Variants in LPAR3 observed in about 807,000 individuals in gnomAD.
The protein encoded by LPAR3 is lysophosphatidic acid receptor 3, also known as LPA receptor 3.
LPAR3 carries 7 observed loss-of-function variants against 17.8 expected under a neutral mutation model. The ratio of observed to expected loss-of-function variants is 0.39; its 90% CI spans 0.22 to 0.74. The LOEUF (loss-of-function observed/expected upper bound fraction) is 0.74. Ranked by LOEUF, LPAR3 falls within the 30% of genes least tolerant of loss-of-function variation. The pLI, the probability that LPAR3 is intolerant of heterozygous loss-of-function variation, is 0.40. For missense variants in LPAR3, 391 were observed against 453.4 expected (o/e 0.86, Z 1.25); for synonymous variants, 179 against 179.9 (o/e 0.99, Z 0.04).
chr1:84,844,748 T>C (rs557839031), intron 2 of LPAR3, among the ~76,000 whole-genome samples: 1 of 152,294 alleles, frequency 6.6e-6, no homozygotes, highest in African/African-American at 2.4e-5. Context: ...ATTATGACTA[T>C]TAAGAACACA....
At chr1:84,875,164 T>A (rs981662968) in intron 1 of LPAR3, among the ~76,000 whole-genome samples, 4 of 152,200 alleles carry the variant, frequency 2.6e-5, no homozygotes, top group African/African-American at 9.7e-5. Flanking sequence ...TCTCCCAAAG[T>A]GCTGAGATGA....
At chr1:84,861,650 C>G (rs1050565634) in intron 2 of LPAR3, among the ~76,000 whole-genome samples, 4 of 152,168 alleles carry the variant, frequency 2.6e-5, no homozygotes, top group African/African-American at 4.8e-5. Context: ...AAATCAGGAG[C>G]TGGAAGTCTT....
intron 1 of LPAR3, among the ~76,000 whole-genome samples, chr1:84,867,398 C>A (rs1329279534): frequency 6.6e-6 from 1 of 152,176 alleles, no homozygotes; most frequent in Non-Finnish European, 1.5e-5. Flanking sequence ...AGGGACTGAG[C>A]AGCCCTCTGG....
chr1:84,852,814 A>C (rs1659744734), intron 2 of LPAR3, among the ~76,000 whole-genome samples: 5 of 152,214 alleles, frequency 3.3e-5, no homozygotes, highest in Admixed American at 3.3e-4. Flanking sequence ...TGAAGCAAGC[A>C]GGCACATAAC....
Position 84,814,259 on chromosome 1 carries a change from A to T in LPAR3, c.737-88T>A, listed in dbSNP as rs1444724206. Reference sequence around the variant, plus strand: ...TCTCTCCCAGCCTTTAGCCAGTGGCATCAAGGGGCCCTCATGATTTGTTTT... The same window carrying T: ...TCTCTCCCAGCCTTTAGCCAGTGGCTTCAAGGGGCCCTCATGATTTGTTTT... On this transcript the variant is annotated intron_variant, in intron 2 of 2. Transcript: ENST00000370611. 15 of 1,055,658 alleles carry T rather than the reference A, an allele frequency of 1.4e-5. No homozygotes were observed. The Admixed American group carries it at 3.5e-4, about 24-fold the overall frequency. The allele number at this position is 1,055,658 out of a possible 1,614,324, so 65.4% of individuals were successfully genotyped here.
At chr1:84,847,339 A>C (rs1659611479) in intron 2 of LPAR3, among the ~76,000 whole-genome samples, 1 of 152,336 alleles carries the variant, frequency 6.6e-6, no homozygotes, top group South Asian at 2.1e-4. Context: ...GTACTAGTGG[A>C]TCACTGGATT....
At chr1:84,816,596 G>A (rs538827489) in intron 2 of LPAR3, among the ~76,000 whole-genome samples, 7 of 152,164 alleles carry the variant, frequency 4.6e-5, no homozygotes, top group Admixed American at 2.6e-4. Flanking sequence ...TCAGGAGTTC[G>A]AGACCAGCCT....
chr1:84,831,526 TATC>T (rs1188437364), intron 2 of LPAR3, among the ~76,000 whole-genome samples: 2 of 115,454 alleles, frequency 1.7e-5, no homozygotes, highest in Admixed American at 9.1e-5. Flanking sequence ...ATTATATATA[TATC>T]ATCATATATC....
In LPAR3 at chr1:84,813,920, T is replaced by C. The variant is rs776527282; in HGVS notation, c.988A>G (p.Arg330Gly). Reference protein sequence around the residue: ...PSRIPSTVLSRSDTGSQYIED... With the variant: ...PSRIPSTVLSGSDTGSQYIED... ...ATGTACTGGCTGCCTGTGTCACTCC[T>C]GCTGAGGACTGTGGAGGGGATGCGA... Residue 330 changes from arginine to glycine, a missense_variant, in exon 3 of 3, where the codon AGG becomes GGG. By Grantham distance (125) the Arg-to-Gly change is moderately radical. Coordinates refer to ENST00000370611, the MANE Select transcript of LPAR3 (RefSeq NM_012152.3). The C allele has an allele frequency of 1.2e-6, 2 of 1,614,078 alleles. No individual in the cohort carries two copies. Among genetic ancestry groups the C allele is most frequent in the African/African-American group, 1.3e-5 (1 of 74,932 alleles).
At chr1:84,874,540 A>T (rs1286408607) in intron 1 of LPAR3, among the ~76,000 whole-genome samples, 1 of 152,238 alleles carries the variant, frequency 6.6e-6, no homozygotes, top group Non-Finnish European at 1.5e-5. Flanking sequence ...TTAAACAGGA[A>T]AGCAAACATG....
chr1:84,852,150 A>T (rs1659726946), intron 2 of LPAR3, among the ~76,000 whole-genome samples: 1 of 150,466 alleles, frequency 6.6e-6, no homozygotes, highest in Non-Finnish European at 1.5e-5. Context: ...TCCTGGGCCC[A>T]AGCGATTTTC....
chr1:84,879,734 T>C (rs192170739), intron 1 of LPAR3, among the ~76,000 whole-genome samples: 1 of 152,306 alleles, frequency 6.6e-6, no homozygotes, highest in African/African-American at 2.4e-5. Context: ...GACTAAGTTC[T>C]TACCACTAGA....
intron 2 of LPAR3, among the ~76,000 whole-genome samples, chr1:84,861,237 A>C (rs1386884454): frequency 6.6e-6 from 1 of 152,198 alleles, no homozygotes; most frequent in African/African-American, 2.4e-5. Flanking sequence ...ATATACTATC[A>C]TTTGGGAGAT....
chr1:84,853,534 T>C (rs1226598344), intron 2 of LPAR3, among the ~76,000 whole-genome samples: 2 of 152,214 alleles, frequency 1.3e-5, no homozygotes, highest in Admixed American at 6.5e-5. Context: ...GCTTCTTCTC[T>C]CTCTGCCTCC....
At chr1:84,817,293 C>CACACACACACA (rs1658954873) in intron 2 of LPAR3, among the ~76,000 whole-genome samples, 1 of 103,570 alleles carries the variant, frequency 9.7e-6, no homozygotes, top group African/African-American at 4.5e-5. Flanking sequence ...ACACACACAC[C>CACACACACACA]CCTCACTTTT....
intron 2 of LPAR3, among the ~76,000 whole-genome samples, chr1:84,851,786 G>A (rs1303791631): frequency 6.6e-6 from 1 of 152,206 alleles, no homozygotes; most frequent in Non-Finnish European, 1.5e-5. Context: ...GCATAGAAAA[G>A]GAGGCTGGGA....
In LPAR3 at chr1:84,866,141, A is replaced by G; in HGVS notation, c.-18-3T>C. On this transcript the variant is annotated splice_region_variant and splice_polypyrimidine_tract_variant and intron_variant, in intron 1 of 2. Transcript: ENST00000370611. ...TTCATTGTGGAGAAGTGAACATCCT[A>G]GAAAGAAATTTAAAGAAGAAACAAA... The G allele has an allele frequency of 4.5e-6, 7 of 1,544,612 alleles. No homozygotes were observed. The highest frequency in any genetic ancestry group is 6.1e-6 in the Non-Finnish European group (7 of 1,148,418).
chr1:84,831,030 T>G (rs988983778), intron 2 of LPAR3, among the ~76,000 whole-genome samples: 2 of 152,204 alleles, frequency 1.3e-5, no homozygotes, highest in African/African-American at 4.8e-5. Context: ...CACCTATATA[T>G]AGTTGATTAC....
intron 2 of LPAR3, among the ~76,000 whole-genome samples, chr1:84,830,388 T>A (rs1018563805): frequency 2.0e-5 from 3 of 151,252 alleles, no homozygotes; most frequent in Non-Finnish European, 4.4e-5. Flanking sequence ...CATCCCTCAT[T>A]CATATTCTTC....
Sources: allele counts gnomAD v4.1 joint callset (sites outside exome capture counted in the v4.1 genomes callset), GRCh38; gene constraint gnomAD v4.1.1; transcripts MANE v1.5; gene names NCBI Gene and HGNC (gene_info 2026-07-23, HGNC 2026-07-21).